The following EXD3 variants were observed in gnomAD, a reference collection of about 807,000 sequenced individuals.
The protein encoded by EXD3 is exonuclease 3'-5' domain containing 3.
EXD3 carries 92 observed loss-of-function variants against 98.0 expected under a neutral mutation model. That is an observed-to-expected ratio of 0.94 (90% CI 0.79 to 1.12). The LOEUF (loss-of-function observed/expected upper bound fraction) is 1.12. EXD3 is among the 50% of genes most tolerant of loss of function. The probability of loss-of-function intolerance (pLI) is 0.00; values close to 1 mark genes in which losing one functional copy is unlikely to be tolerated. For missense variants in EXD3, 1,222 were observed against 1,191.6 expected, an observed-to-expected ratio of 1.03 and a Z score of -0.38; for synonymous variants, 569 against 526.0, an observed-to-expected ratio of 1.08 and a Z score of -1.12.
chr9:137,373,172 TG>T (rs1835725664), intron 4 of EXD3, 100 bp from the exon 5 acceptor site: 1 of 1,363,026 alleles, frequency 7.3e-7, no homozygotes, highest in Non-Finnish European at 9.9e-7. Context: ...CGCCTGCCAC[TG>T]TGGCCATGTG....
At chr9:137,325,906 A>G (rs1037194206) in intron 17 of EXD3, among the ~76,000 whole-genome samples, 28 of 152,036 alleles carry the variant, frequency 1.8e-4, no homozygotes, top group Non-Finnish European at 2.9e-5. Flanking sequence ...CCTGGGCAAC[A>G]GAGCAAAACC....
chr9:137,418,751 T>C lies in EXD3; in HGVS notation c.-48+4363A>G, dbSNP rs151163577. ...GTAATAAGAGATTGTAAAATATTTT[T>C]ATCTTCTGAGTAAACAGAAAAAAAA... On this transcript the variant is annotated intron_variant, in intron 1 of 21. Transcript: ENST00000340951. 4.2e-3 allele frequency among the ~76,000 whole-genome samples: 640 copies of C among 152,094 alleles called. 3 individuals are homozygous for C. Among genetic ancestry groups the C allele is most frequent in the Non-Finnish European group, 6.8e-3 (465 of 68,010 alleles).
intron 1 of EXD3, among the ~76,000 whole-genome samples, chr9:137,414,105 C>T (rs150089912): frequency 0.011 from 1,651 of 151,978 alleles, 22 homozygotes; most frequent in African/African-American, 0.037. Context: ...TTAGTAGAGA[C>T]GGGGTTTCAC....
At chr9:137,329,392 ACTACACGGGG>A (rs1276630541) in intron 17 of EXD3, among the ~76,000 whole-genome samples, 2 of 11,658 alleles carry the variant, frequency 1.7e-4, no homozygotes, top group Non-Finnish European at 2.7e-4. Flanking sequence ...GCTACACGGG[ACTACACGGGG>A]CTACACGGGG....
At chr9:137,420,741 C>CT (rs1395056194) in intron 1 of EXD3, among the ~76,000 whole-genome samples, 1 of 146,884 alleles carries the variant, frequency 6.8e-6, no homozygotes, top group Non-Finnish European at 1.5e-5. Flanking sequence ...ACATTCACCC[C>CT]CCCCCCCAAA....
intron 1 of EXD3, among the ~76,000 whole-genome samples, chr9:137,420,856 C>T (rs527719574): frequency 2.6e-5 from 4 of 152,010 alleles, no homozygotes; most frequent in East Asian, 1.9e-4. Flanking sequence ...GCTCTGTCAC[C>T]CAGGCTGGAG....
rs1832797465 is a variant in EXD3, at chr9:137,329,382, GCTACACGGGA to G, written c.1999-5249_1999-5240del. On this transcript the variant is annotated intron_variant, in intron 17 of 21. Transcript: ENST00000340951. ...GGGACTACACGGGAGCTACACGGGA[GCTACACGGGA>G]CTACACGGGGCTACACGGGGCTACA... 5.0e-4 allele frequency among the ~76,000 whole-genome samples: 4 copies of G among 7,942 alleles called. 1 individual carries two copies. Among genetic ancestry groups the G allele is most frequent in the African/African-American group, 7.4e-4 (1 of 1,360 alleles). The allele number at this position is 7,942 out of a possible 152,430, so 5.2% of individuals were successfully genotyped here.
intron 2 of EXD3, chr9:137,392,702 TG>T: frequency 3.3e-6 from 1 of 306,326 alleles, no homozygotes; most frequent in South Asian, 2.4e-5. Flanking sequence ...GTGTCTGTTC[TG>T]GGGGGGCTGT....
chr9:137,354,810 G>GAGGAAGGAGGAA, intron 8 of EXD3, 37 bp from the exon 9 acceptor site: 1 of 1,585,662 alleles, frequency 6.3e-7, no homozygotes. Context: ...GAGGGCTCAG[G>GAGGAAGGAGGAA]GCAGCCTCAC....
Position 137,410,113 on chromosome 9 carries a change from T to TTGCAG in EXD3, c.-48+12996_-48+13000dup, listed in dbSNP as rs202222641. 1.3e-3 allele frequency among the ~76,000 whole-genome samples: 190 copies of TTGCAG among 151,998 alleles called. 1 individual carries two copies. The East Asian group carries it at 0.03, about 24-fold the overall frequency. On this transcript the variant is annotated intron_variant, in intron 1 of 21. Transcript: ENST00000340951. The stretch of plus-strand genomic sequence containing the variant: ...ATGGTGTGAACCTGGGAGATGAAGG[T>TTGCAG]TGCAGTGAGCCGAGACCGTGCCACT...
intron 8 of EXD3, among the ~76,000 whole-genome samples, chr9:137,355,497 G>GAAGGACA (rs1834627124): frequency 4.5e-5 from 2 of 44,800 alleles, no homozygotes; most frequent in Non-Finnish European, 5.1e-5. Flanking sequence ...GAGGATGGAG[G>GAAGGACA]AAGGAGGAAG....
chr9:137,400,002 C>G (rs1269380048), intron 1 of EXD3, among the ~76,000 whole-genome samples: 1 of 148,096 alleles, frequency 6.8e-6, no homozygotes, highest in African/African-American at 2.5e-5. Flanking sequence ...TGCACTCCAG[C>G]CTGGGTGACA....
chr9:137,374,545 C>G (rs1835800848), intron 3 of EXD3: 1 of 985,444 alleles, frequency 1.0e-6, no homozygotes. Context: ...CTTACCGAAA[C>G]AAAAGGCTCC....
chr9:137,374,039 T>G (rs923296105), intron 3 of EXD3, among the ~76,000 whole-genome samples: 2 of 152,338 alleles, frequency 1.3e-5, no homozygotes, highest in African/African-American at 2.4e-5. Flanking sequence ...CGCAGGAGAT[T>G]TGGGAAACGG....
At chr9:137,326,766 T>G (rs1047213149) in intron 17 of EXD3, among the ~76,000 whole-genome samples, 1 of 152,078 alleles carries the variant, frequency 6.6e-6, no homozygotes, top group Non-Finnish European at 1.5e-5. Context: ...GTAAATGGTG[T>G]GGCCGCCGTG....
chr9:137,418,141 G>C (rs934787947), intron 1 of EXD3, among the ~76,000 whole-genome samples: 14 of 152,206 alleles, frequency 9.2e-5, no homozygotes, highest in Non-Finnish European at 1.8e-4. Context: ...GAGGTCAGGA[G>C]TTCCAGACCA....
At chr9:137,374,668 G>A (rs569102780) in intron 3 of EXD3, 11 of 985,570 alleles carry the variant, frequency 1.1e-5, no homozygotes, top group African/African-American at 3.5e-5. Flanking sequence ...CCAAAGGCGC[G>A]GGAGGCAAGG....
intron 20 of EXD3, among the ~76,000 whole-genome samples, chr9:137,308,640 T>G (rs1209412455): frequency 6.7e-6 from 1 of 149,660 alleles, no homozygotes; most frequent in Non-Finnish European, 1.5e-5. Context: ...GACCCTTTTT[T>G]TTTTTTTTTT....
chr9:137,396,116 C>T (rs541861729), intron 1 of EXD3, among the ~76,000 whole-genome samples: 55 of 152,162 alleles, frequency 3.6e-4, no homozygotes, highest in Middle Eastern at 3.4e-3. Context: ...GACAGGCATG[C>T]GCCATCACGC....
Sources: gnomAD v4.1 joint callset for allele counts (sites outside exome capture counted in the v4.1 genomes callset) on GRCh38, gnomAD v4.1.1 for gene constraint, MANE v1.5 for transcripts, NCBI Gene and HGNC (gene_info 2026-07-23, HGNC 2026-07-21) for gene names.